Variants in NAV1 observed in about 807,000 individuals in gnomAD.
NAV1 encodes pore membrane and/or filament interacting like protein 3.
Under a neutral mutation model 175.2 loss-of-function variants are expected in NAV1, and 18 were observed. The ratio of observed to expected loss-of-function variants is 0.10; its 90% confidence interval spans 0.07 to 0.15. The LOEUF (loss-of-function observed/expected upper bound fraction) is 0.15, where lower values mean the gene tolerates loss of function less well. Ranked by LOEUF, NAV1 falls within the 10% of genes least tolerant of loss-of-function variation. The pLI is 1.00. For missense variants in NAV1, 1,731 were observed against 2,436.6 expected (o/e 0.71, Z 6.10); for synonymous variants, 897 against 978.7 (o/e 0.92, Z 1.56).
chr1:201,567,429 C>G (rs1666389331), intron 1 of NAV1, among the ~76,000 whole-genome samples: 1 of 152,226 alleles, frequency 6.6e-6, no homozygotes, highest in Admixed American at 6.5e-5. Flanking sequence ...GGCTTGAGAG[C>G]TGCACTGGGA....
chr1:201,650,898 T>C (rs546377501), intron 1 of NAV1, among the ~76,000 whole-genome samples: 3 of 152,234 alleles, frequency 2.0e-5, no homozygotes, highest in East Asian at 3.9e-4. Context: ...CCAGGCAGCC[T>C]CACTCTGCAA....
chr1:201,724,761 C>G (rs1222192125), intron 3 of NAV1: 7 of 152,692 alleles, frequency 4.6e-5, no homozygotes, highest in Non-Finnish European at 1.0e-4. Context: ...GCTCTCTCAT[C>G]AGGTGGCTTC....
chr1:201,770,538 T>G (rs12091249), intron 3 of NAV1, among the ~76,000 whole-genome samples: 16,140 of 152,164 alleles, frequency 0.11, 1,726 homozygotes, highest in African/African-American at 0.27. Context: ...CATAACTTTT[T>G]AAAAATACAG....
At chr1:201,726,537 G>T (rs999561882) in intron 3 of NAV1, among the ~76,000 whole-genome samples, 2 of 151,154 alleles carry the variant, frequency 1.3e-5, no homozygotes, top group Non-Finnish European at 2.9e-5. Context: ...AATCCCAGCT[G>T]CTCAGGAGGC....
At chr1:201,640,825 A>C (rs1223348732) in intron 2 of NAV1, among the ~76,000 whole-genome samples, 2 of 152,212 alleles carry the variant, frequency 1.3e-5, no homozygotes, top group East Asian at 3.8e-4. Context: ...TCACGCATTC[A>C]TTCATTTAAT....
chr1:201,550,795 T>C (rs1411228136), intron 1 of NAV1, among the ~76,000 whole-genome samples: 3 of 152,076 alleles, frequency 2.0e-5, no homozygotes, highest in African/African-American at 7.2e-5. Context: ...ACATGTGGGG[T>C]GGGTGGTCTA....
rs759706698 is a variant in NAV1, at chr1:201,812,582, G to A, written c.5142G>A (p.Arg1714=). 1 of 1,614,178 alleles carries A rather than the reference G, an allele frequency of 6.2e-7. No homozygotes were observed. The highest frequency in any genetic ancestry group is 8.5e-7 in the Non-Finnish European group (1 of 1,180,030). The change falls in exon 27 of 30, where the codon CGG becomes CGA. Residue 1714 remains arginine (R), a synonymous_variant. Coordinates refer to ENST00000367296, the Ensembl canonical transcript of NAV1. This position sits in a 1 kb window ranked among gnomAD's most constrained non-coding sequence, Gnocchi z 4.6. ...ATGCCAACAAGGAAGAGCTGCTTCG[G>A]GTGCTCGACTGGGTACCCAAGCTGT...
At chr1:201,802,573 G>C (rs961587338) in intron 15 of NAV1, among the ~76,000 whole-genome samples, 2 of 151,428 alleles carry the variant, frequency 1.3e-5, no homozygotes, top group African/African-American at 4.9e-5. Context: ...GAGGTCAGAA[G>C]TTCAAGACCA....
chr1:201,643,570 G>T (rs570374687), upstream of NAV1, among the ~76,000 whole-genome samples: 1 of 151,446 alleles, frequency 6.6e-6, no homozygotes, highest in Non-Finnish European at 1.5e-5. Context: ...TGCCACTATC[G>T]CCCAGCTAAT....
At chr1:201,803,677 A>G (rs1163797353) in exon 16 of NAV1, 2 of 1,613,352 alleles carry the variant, frequency 1.2e-6, no homozygotes. Flanking sequence ...GGCAGCAGCA[A>G]GGATGCTGAT....
intron 1 of NAV1, among the ~76,000 whole-genome samples, chr1:201,541,630 C>T (rs747342483): frequency 8.5e-5 from 13 of 152,238 alleles, no homozygotes; most frequent in Non-Finnish European, 1.3e-4. Flanking sequence ...GAAAATTAGC[C>T]GGGTGTGGTG....
chr1:201,665,590 A>C (rs866659238), intron 1 of NAV1, among the ~76,000 whole-genome samples: 2,946 of 127,552 alleles, frequency 0.023, no homozygotes, highest in African/African-American at 0.032. Flanking sequence ...AGAGCACCCC[A>C]CCCCCCCCAC....
At chr1:201,761,230 C>T (rs1674820503) in intron 3 of NAV1, among the ~76,000 whole-genome samples, 1 of 152,126 alleles carries the variant, frequency 6.6e-6, no homozygotes, top group Admixed American at 6.5e-5. Context: ...AATGGAAGGC[C>T]AGGGATTCTG....
intron 2 of NAV1, among the ~76,000 whole-genome samples, chr1:201,594,827 C>A (rs987665728): frequency 2.6e-5 from 4 of 152,330 alleles, no homozygotes; most frequent in Admixed American, 1.3e-4. Flanking sequence ...AGCACGGGAA[C>A]CTGCTGAAGC....
intron 1 of NAV1, among the ~76,000 whole-genome samples, chr1:201,563,803 G>A (rs757067770): frequency 6.6e-6 from 1 of 152,078 alleles, no homozygotes; most frequent in Non-Finnish European, 1.5e-5. Flanking sequence ...TCTTTGGACC[G>A]TAAATTCCTG....
chr1:201,659,408 G>A (rs1356020469), intron 1 of NAV1, among the ~76,000 whole-genome samples: 1 of 152,176 alleles, frequency 6.6e-6, no homozygotes, highest in Non-Finnish European at 1.5e-5. Flanking sequence ...TTGAGCCCAG[G>A]AATTCAAGAC....
intron 1 of NAV1, among the ~76,000 whole-genome samples, chr1:201,542,494 T>TC (rs1324310888): frequency 2.6e-5 from 4 of 152,126 alleles, no homozygotes; most frequent in Middle Eastern, 3.2e-3. Flanking sequence ...AAAAACACCC[T>TC]CCACAGTAAA....
At chr1:201,715,387 T>C (rs544703009) in intron 2 of NAV1, among the ~76,000 whole-genome samples, 1 of 152,304 alleles carries the variant, frequency 6.6e-6, no homozygotes, top group East Asian at 1.9e-4. Context: ...CTAGAACTCC[T>C]GACCTCAGGT....
intron 2 of NAV1, among the ~76,000 whole-genome samples, chr1:201,592,355 G>T (rs1667224008): frequency 6.6e-6 from 1 of 152,138 alleles, no homozygotes; most frequent in Admixed American, 6.5e-5. Context: ...GGTGGGGTGG[G>T]ACAACAGCTG....
Sources: gnomAD v4.1 joint callset for allele counts (sites outside exome capture counted in the v4.1 genomes callset) on GRCh38, gnomAD v4.1.1 for gene constraint, Gnocchi (gnomAD v3.1) non-coding constraint, MANE v1.5 for transcripts, NCBI Gene and HGNC (gene_info 2026-07-23, HGNC 2026-07-21) for gene names.